Variants in EFCAB10 observed in about 807,000 individuals in gnomAD.
The protein encoded by EFCAB10 is EF-hand calcium-binding domain-containing protein 10.
A neutral mutation model predicts 7.7 loss-of-function variants in EFCAB10; 7 were observed. That is an observed-to-expected ratio of 0.91 (90% confidence interval 0.52 to 1.72). The LOEUF is 1.72. Ranked by LOEUF, EFCAB10 falls within the 40% of genes most tolerant of loss-of-function variation. The pLI, the probability that EFCAB10 is intolerant of heterozygous loss-of-function variation, is 0.00. For synonymous variants in EFCAB10, 52 were observed against 21.0 expected (o/e 2.47, Z -4.03); for missense variants, 112 against 61.5 (o/e 1.82, Z -2.74).
chr7:105,574,245 GTA>G (rs58936582), intron 1 of EFCAB10, among the ~76,000 whole-genome samples: 7,538 of 143,434 alleles, frequency 0.053, 618 homozygotes, highest in African/African-American at 0.17. Context: ...CATATATACA[GTA>G]TATATATATA....
At chr7:105,566,605 A>C (rs1238808626) in intron 4 of EFCAB10, 1 of 151,918 alleles carries the variant, frequency 6.6e-6, no homozygotes. Flanking sequence ...GTGCAGTTTC[A>C]CTCCAGCCTA....
chr7:105,573,866 C>A (rs1268103490), intron 1 of EFCAB10, among the ~76,000 whole-genome samples: 2 of 152,140 alleles, frequency 1.3e-5, no homozygotes, highest in Non-Finnish European at 2.9e-5. Context: ...ATATGGGAAG[C>A]ATCTTCAATG....
intron 1 of EFCAB10, among the ~76,000 whole-genome samples, chr7:105,576,442 C>T (rs1289445137): frequency 1.3e-5 from 2 of 151,746 alleles, no homozygotes; most frequent in Admixed American, 6.6e-5. Flanking sequence ...GAATTCTCAT[C>T]ATCATTATTA....
At chr7:105,570,075 G>T (rs888421685) in intron 1 of EFCAB10, among the ~76,000 whole-genome samples, 1 of 150,340 alleles carries the variant, frequency 6.7e-6, no homozygotes. Flanking sequence ...TTAGCCAGGC[G>T]TGGTGGTGCA....
intron 1 of EFCAB10, among the ~76,000 whole-genome samples, chr7:105,579,473 A>T (rs1158884310): frequency 6.6e-6 from 1 of 152,230 alleles, no homozygotes; most frequent in Non-Finnish European, 1.5e-5. Context: ...CACAAATTTA[A>T]GCCAAAAATG....
intron 1 of EFCAB10, among the ~76,000 whole-genome samples, chr7:105,576,252 A>G (rs76354685): frequency 0.051 from 7,738 of 152,216 alleles, 660 homozygotes; most frequent in African/African-American, 0.18. Context: ...CACTGAATGG[A>G]CAAGTCCTTT....
At chr7:105,577,971 C>T (rs1318851788) in intron 1 of EFCAB10, among the ~76,000 whole-genome samples, 1 of 152,154 alleles carries the variant, frequency 6.6e-6, no homozygotes, top group Non-Finnish European at 1.5e-5. Flanking sequence ...ACCACGTTGG[C>T]CAGGCTGGTC....
intron 1 of EFCAB10, chr7:105,571,057 T>C (rs1210452044): frequency 2.0e-5 from 3 of 152,076 alleles, no homozygotes; most frequent in African/African-American, 7.2e-5. Context: ...AGTTACATCA[T>C]TACTGAGAAT....
At chr7:105,569,149 G>A in intron 3 of EFCAB10, 54 bp downstream of exon 3, 1 of 696,438 alleles carries the variant, frequency 1.4e-6, no homozygotes, top group Non-Finnish European at 2.6e-6. Context: ...TATTAATTGT[G>A]CTTCAAAATC....
intron 1 of EFCAB10, among the ~76,000 whole-genome samples, chr7:105,575,162 A>G (rs1435891524): frequency 6.6e-6 from 1 of 150,878 alleles, no homozygotes; most frequent in African/African-American, 2.4e-5. Context: ...AGACTTATTC[A>G]CTATCACAAG....
chr7:105,566,997 A>G (rs1236128558), intron 4 of EFCAB10: 3 of 505,842 alleles, frequency 5.9e-6, no homozygotes, highest in Admixed American at 7.6e-5. Flanking sequence ...AAATCCATAA[A>G]TATTTTTATA....
rs145382320 is a variant in EFCAB10, at chr7:105,569,659, A to G, written c.107-88T>C. ...GTCATTTAACAATTATTAAACAGCT[A>G]TAGCAAAGGCACTGTACTAGGCGCT... On this transcript the variant is annotated intron_variant, in intron 1 of 4. Transcript: ENST00000480514. 8 of 641,476 alleles carry G rather than the reference A, an allele frequency of 1.2e-5. No homozygotes were observed. The East Asian group carries it at 1.6e-4, about 13-fold the overall frequency. The allele number at this position is 641,476 out of a possible 1,614,324, so 39.7% of individuals were successfully genotyped here.
intron 1 of EFCAB10, among the ~76,000 whole-genome samples, chr7:105,570,262 T>TACACAC (rs1172456026): frequency 1.1e-5 from 1 of 89,698 alleles, no homozygotes; most frequent in East Asian, 2.9e-4. Context: ...TATATATATA[T>TACACAC]ATATATACAC....
intron 1 of EFCAB10, chr7:105,572,694 A>G (rs1427711049): frequency 6.6e-6 from 1 of 152,146 alleles, no homozygotes; most frequent in Non-Finnish European, 1.5e-5. Flanking sequence ...GAAATCTTTC[A>G]TCTTTTGTTA....
intron 1 of EFCAB10, among the ~76,000 whole-genome samples, chr7:105,574,812 C>T (rs1326714614): frequency 6.6e-6 from 1 of 151,512 alleles, no homozygotes; most frequent in African/African-American, 2.4e-5. Flanking sequence ...ACCATCGGAT[C>T]AGGTCAGGCG....
chr7:105,569,244 A>G lies in EFCAB10; in HGVS notation c.318T>C (p.Asp106=). 1.4e-6 allele frequency: 1 copy of G among 702,204 alleles called. No homozygotes were observed. The highest frequency in any genetic ancestry group is 2.6e-6 in the Non-Finnish European group (1 of 384,988). 43.5% of individuals were successfully genotyped at this position (702,204 alleles called of 1,614,324 possible). A position where few individuals can be genotyped will look rare whatever the true frequency, so the allele number is the denominator to read the frequency against. The change falls in exon 3 of 5, where the codon GAT becomes GAC. Residue 106 remains aspartate, a synonymous_variant. Coordinates refer to ENST00000480514, the MANE Select transcript of EFCAB10 (RefSeq NM_001355526.2). ...TATCCAAAGTTATTTTATGTCCATC[A>G]TCTTGTAAATCTTCATCTTCAGTGC... ...GLCTEDEDLQ[D]DGHKITLDKF...
At chr7:105,576,541 C>T (rs1792085333) in intron 1 of EFCAB10, among the ~76,000 whole-genome samples, 1 of 152,174 alleles carries the variant, frequency 6.6e-6, no homozygotes, top group Admixed American at 6.5e-5. Flanking sequence ...CTCCCAGGCT[C>T]ACACCATTCT....
intron 1 of EFCAB10, among the ~76,000 whole-genome samples, chr7:105,580,382 G>T (rs1421491993): frequency 6.6e-6 from 1 of 152,146 alleles, no homozygotes; most frequent in Non-Finnish European, 1.5e-5. Flanking sequence ...ATGTTGGCCA[G>T]GCTGGTCTCA....
At chr7:105,568,927 G>A (rs758081270) in intron 3 of EFCAB10, among the ~76,000 whole-genome samples, 9 of 149,532 alleles carry the variant, frequency 6.0e-5, no homozygotes. Flanking sequence ...TCCAGCCTGG[G>A]CAACAGAGCA....
Sources: gnomAD v4.1 joint callset for allele counts (sites outside exome capture counted in the v4.1 genomes callset) on GRCh38, gnomAD v4.1.1 for gene constraint, MANE v1.5 for transcripts, NCBI Gene and HGNC (gene_info 2026-07-23, HGNC 2026-07-21) for gene names.